Variants in ZSWIM5 observed in about 807,000 individuals in gnomAD.
ZSWIM5 encodes the protein zinc finger SWIM-type containing 5, also known as zinc finger SWIM domain-containing protein 5.
A neutral mutation model predicts 119.6 loss-of-function variants in ZSWIM5; 55 were observed. The observed-to-expected ratio is 0.46, with a 90% confidence interval of 0.37 to 0.58. ZSWIM5 has a LOEUF of 0.58. ZSWIM5 is among the 20% of genes least tolerant of loss of function. The pLI is 0.00. For synonymous variants in ZSWIM5, 537 were observed against 606.9 expected (o/e 0.88, Z 1.69); for missense variants, 1,193 against 1,512.8 (o/e 0.79, Z 3.51).
At chr1:45,205,662 G>A in intron 1 of ZSWIM5, 94 bp downstream of exon 1, 1 of 1,309,462 alleles carries the variant, frequency 7.6e-7, no homozygotes, top group South Asian at 1.4e-5. Flanking sequence ...GAGTTGGGCA[G>A]AAGGCCGGGG....
intron 8 of ZSWIM5, among the ~76,000 whole-genome samples, chr1:45,036,941 G>A (rs891578657): frequency 6.6e-6 from 1 of 151,946 alleles, no homozygotes; most frequent in African/African-American, 2.4e-5. Context: ...TGGGACTACA[G>A]GCACATGCCA....
At chr1:45,130,080 TAG>T (rs1399205384) in intron 1 of ZSWIM5, among the ~76,000 whole-genome samples, 1 of 152,158 alleles carries the variant, frequency 6.6e-6, no homozygotes, top group East Asian at 1.9e-4. Context: ...GTATTTTTAG[TAG>T]AGACAGGGTT....
intron 1 of ZSWIM5, among the ~76,000 whole-genome samples, chr1:45,193,383 A>G (rs1177397047): frequency 6.6e-6 from 1 of 152,196 alleles, no homozygotes; most frequent in Non-Finnish European, 1.5e-5. Flanking sequence ...TTAGATTGTA[A>G]ATTAGAAGAC....
At chr1:45,120,525 G>A (rs907566764) in intron 1 of ZSWIM5, among the ~76,000 whole-genome samples, 20 of 152,066 alleles carry the variant, frequency 1.3e-4, no homozygotes, top group African/African-American at 4.3e-4. Flanking sequence ...GTGCAATGGT[G>A]TGACCATGGC....
At chr1:45,050,089 C>T (rs1425943569) in intron 5 of ZSWIM5, among the ~76,000 whole-genome samples, 1 of 152,186 alleles carries the variant, frequency 6.6e-6, no homozygotes, top group Non-Finnish European at 1.5e-5. Flanking sequence ...CGCAGTGGCT[C>T]ATGCCTGTAA....
At chr1:45,060,296 C>T in intron 2 of ZSWIM5, 49 bp from the exon 3 acceptor site, 2 of 1,590,440 alleles carry the variant, frequency 1.3e-6, no homozygotes, top group South Asian at 2.3e-5. Context: ...TCACATGCTA[C>T]ACATTCAGCT....
At chr1:45,168,837 A>G (rs1570174721) in intron 1 of ZSWIM5, among the ~76,000 whole-genome samples, 1 of 152,182 alleles carries the variant, frequency 6.6e-6, no homozygotes, top group East Asian at 1.9e-4. Flanking sequence ...CTACATAGCA[A>G]AACTCAGCTA....
chr1:45,181,755 G>T (rs1287697525), intron 1 of ZSWIM5, among the ~76,000 whole-genome samples: 1 of 152,160 alleles, frequency 6.6e-6, no homozygotes, highest in Non-Finnish European at 1.5e-5. Context: ...CTACAAGCCA[G>T]AAGAGAGTGG....
At chr1:45,080,482 C>T (rs894530062) in intron 2 of ZSWIM5, among the ~76,000 whole-genome samples, 2 of 152,204 alleles carry the variant, frequency 1.3e-5, no homozygotes, top group African/African-American at 4.8e-5. Flanking sequence ...GCTTTCCACA[C>T]CATGCTATGA....
In ZSWIM5 at chr1:45,036,025, T is replaced by C; in HGVS notation, c.2155+14A>G. 1.9e-6 allele frequency: 3 copies of C among 1,610,466 alleles called. No individual in the cohort carries two copies. Among genetic ancestry groups the C allele is most frequent in the South Asian group, 1.1e-5 (1 of 90,786 alleles). ...GGCCAAAGACACCGTGACAAGAGAC[T>C]CTTTTCTACTTACCTTCCAGCAGTA... On this transcript the variant is annotated intron_variant, in intron 9 of 13. Coordinates refer to ENST00000359600, the MANE Select transcript of ZSWIM5 (RefSeq NM_020883.2).
At position 45,206,143 on chromosome 1, in the gene ZSWIM5, C is replaced by A; in HGVS notation, c.208G>T (p.Ala70Ser). Residue 70 changes from alanine to serine, a missense_variant, in exon 1 of 14, where the codon GCC becomes TCC. Physicochemically the swap from Ala to Ser is moderately conservative, Grantham distance 99. Transcript: ENST00000359600. ...LQPDSLLDCA[A>S]KTVAEKWAYE... ...GCCCACTTTTCCGCCACCGTCTTGGCGGCGCAGTCCAGTAAGGAATCCGGC... is the reference window on the plus strand; with the variant it reads ...GCCCACTTTTCCGCCACCGTCTTGGAGGCGCAGTCCAGTAAGGAATCCGGC... 1 of 1,610,326 alleles carries A rather than the reference C, an allele frequency of 6.2e-7. No individual in the cohort carries two copies. Among genetic ancestry groups the A allele is most frequent in the African/African-American group, 1.3e-5 (1 of 74,940 alleles).
At chr1:45,064,346 A>G (rs1645171061) in intron 2 of ZSWIM5, among the ~76,000 whole-genome samples, 1 of 152,110 alleles carries the variant, frequency 6.6e-6, no homozygotes, top group Non-Finnish European at 1.5e-5. Context: ...TCCCAACTAA[A>G]TTGAAATTTT....
intron 2 of ZSWIM5, among the ~76,000 whole-genome samples, chr1:45,074,161 G>A (rs187273547): frequency 1.7e-4 from 26 of 151,992 alleles, no homozygotes; most frequent in Non-Finnish European, 2.9e-4. Flanking sequence ...TTTTTTGCAT[G>A]AATATTCATC....
chr1:45,027,317 G>C (rs967803741), intron 11 of ZSWIM5, among the ~76,000 whole-genome samples: 1 of 151,804 alleles, frequency 6.6e-6, no homozygotes, highest in African/African-American at 2.4e-5. Context: ...CTTATAAACT[G>C]ATTGTTATTT....
intron 2 of ZSWIM5, among the ~76,000 whole-genome samples, chr1:45,076,138 G>C (rs561170019): frequency 6.6e-6 from 1 of 152,072 alleles, no homozygotes; most frequent in Non-Finnish European, 1.5e-5. Flanking sequence ...TTCTACTTAA[G>C]AGTAGTTTAC....
intron 1 of ZSWIM5, among the ~76,000 whole-genome samples, chr1:45,111,128 C>T (rs1645514591): frequency 6.6e-6 from 1 of 152,084 alleles, no homozygotes; most frequent in Admixed American, 6.5e-5. Context: ...GAACACTTGT[C>T]CAAGTCTAGG....
intron 1 of ZSWIM5, among the ~76,000 whole-genome samples, chr1:45,159,293 C>A (rs1322315745): frequency 1.6e-4 from 24 of 151,960 alleles, no homozygotes; most frequent in Non-Finnish European, 2.9e-5. Context: ...ATAAAAATTT[C>A]AAGTTCTGGA....
At chr1:45,120,806 C>A (rs976124741) in intron 1 of ZSWIM5, among the ~76,000 whole-genome samples, 1 of 152,116 alleles carries the variant, frequency 6.6e-6, no homozygotes, top group Non-Finnish European at 1.5e-5. Context: ...CCACTACTCT[C>A]GAACTTCCAA....
intron 1 of ZSWIM5, among the ~76,000 whole-genome samples, chr1:45,123,460 T>C (rs1645604798): frequency 6.6e-6 from 1 of 151,844 alleles, no homozygotes; most frequent in Admixed American, 6.6e-5. Flanking sequence ...AAGAATACAA[T>C]AACTGAAATA....
Sources: gnomAD v4.1 joint callset for allele counts (sites outside exome capture counted in the v4.1 genomes callset) on GRCh38, gnomAD v4.1.1 for gene constraint, MANE v1.5 for transcripts, NCBI Gene and HGNC (gene_info 2026-07-23, HGNC 2026-07-21) for gene names.